The following SPEF2 variants were observed in gnomAD, a reference collection of about 807,000 sequenced individuals.
SPEF2 encodes the protein sperm flagella and cilia-associated protein 2.
SPEF2 carries 187 observed loss-of-function variants against 224.6 expected under a neutral mutation model. The ratio of observed to expected loss-of-function variants is 0.83; its 90% CI spans 0.74 to 0.94. The LOEUF (loss-of-function observed/expected upper bound fraction) is 0.94. SPEF2 is among the 40% of genes least tolerant of loss of function. The pLI, the probability that SPEF2 is intolerant of heterozygous loss-of-function variation, is 0.00. For synonymous variants in SPEF2, 715 were observed against 707.3 expected (o/e 1.01, Z -0.17); for missense variants, 2,170 against 2,135.6 (o/e 1.02, Z -0.32).
intron 11 of SPEF2, 137 bp from the exon 12 acceptor site, chr5:35,692,433 C>A: frequency 1.5e-6 from 1 of 682,480 alleles, no homozygotes; most frequent in Non-Finnish European, 2.4e-6. Flanking sequence ...CCAAACAAAA[C>A]AAAAAAGAAA....
rs1580687756 is a variant in SPEF2 at position 35,774,816 on chromosome 5, C to A, written c.4078+795C>A. ...ATTTTCTCTCCCCTGTCCTTCCCAT[C>A]TTACTACCACCCACTTCTAAAACCC... On this transcript the variant is annotated intron_variant, in intron 28 of 36. Transcript: ENST00000356031. 2.6e-5 allele frequency among the ~76,000 whole-genome samples: 4 copies of A among 152,264 alleles called. 1 individual carries two copies. Among genetic ancestry groups the A allele is most frequent in the Admixed American group, 2.6e-4 (4 of 15,286 alleles).
chr5:35,656,968 C>T (rs1749053290), intron 7 of SPEF2, among the ~76,000 whole-genome samples: 1 of 152,216 alleles, frequency 6.6e-6, no homozygotes, highest in African/African-American at 2.4e-5. Context: ...GCAACTGACA[C>T]AAGAGATCCT....
chr5:35,685,061 T>C (rs1221950009), intron 10 of SPEF2, among the ~76,000 whole-genome samples: 1 of 152,174 alleles, frequency 6.6e-6, no homozygotes, highest in Non-Finnish European at 1.5e-5. Flanking sequence ...ATCCAATTAG[T>C]ATTTGGCTAA....
At chr5:35,759,746 TA>T in intron 25 of SPEF2, 27 bp downstream of exon 25, 1 of 1,491,990 alleles carries the variant, frequency 6.7e-7, no homozygotes, top group Non-Finnish European at 9.0e-7. Flanking sequence ...TATCACACTG[TA>T]ATTGTTTTGA....
chr5:35,763,362 AGT>A (rs1158684529), intron 25 of SPEF2, among the ~76,000 whole-genome samples, 158 bp from the exon 26 acceptor site: 5 of 152,238 alleles, frequency 3.3e-5, no homozygotes, highest in Admixed American at 6.5e-5. Flanking sequence ...ATTTGAATGC[AGT>A]GTTTTATAAT....
In SPEF2 at chr5:35,629,151, CTTTTTTTTTTTT is replaced by C. The variant is rs768077049; in HGVS notation, c.161+604_161+615del. 2.7e-3 allele frequency among the ~76,000 whole-genome samples: 236 copies of C among 88,328 alleles called. 3 individuals carry two copies. The highest frequency in any genetic ancestry group is 0.013 in the African/African-American group (221 of 16,856). 57.9% of individuals were successfully genotyped at this position (88,328 alleles called of 152,430 possible). On this transcript the variant is annotated intron_variant, in intron 2 of 36. Transcript: ENST00000356031. ...TTTCTGTTTTGTTAATCGATTGTTC[CTTTTTTTTTTTT>C]TTTTTTTTTTTTTTGAGACTTGCTC...
rs995570348 is a variant in SPEF2 at position 35,654,799 on chromosome 5, A to C, written c.978+73A>C. 2.3e-6 allele frequency: 3 copies of C among 1,329,696 alleles called. No individual in the cohort carries two copies. The African/African-American group carries it at 4.4e-5, about 20-fold the overall frequency. 82.4% of individuals were successfully genotyped at this position (1,329,696 alleles called of 1,614,324 possible). On this transcript the variant is annotated intron_variant, in intron 7 of 36. Transcript: ENST00000356031. ...AAATGTAGTCTTCTATACACATAAT[A>C]TGTAGTTTATATATGTATTGTCTGC...
At chr5:35,732,326 A>G (rs899739931) in intron 21 of SPEF2, among the ~76,000 whole-genome samples, 1 of 152,210 alleles carries the variant, frequency 6.6e-6, no homozygotes, top group African/African-American at 2.4e-5. Flanking sequence ...CACAGTGTTG[A>G]TTAATGGATT....
intron 25 of SPEF2, among the ~76,000 whole-genome samples, chr5:35,762,661 G>T (rs572676620): frequency 6.6e-6 from 1 of 152,224 alleles, no homozygotes; most frequent in Non-Finnish European, 1.5e-5. Context: ...CCTTGGAGCT[G>T]TTCTCTTCTC....
At chr5:35,631,704 T>C (rs894410498) in intron 2 of SPEF2, among the ~76,000 whole-genome samples, 22 of 152,154 alleles carry the variant, frequency 1.4e-4, no homozygotes, top group Non-Finnish European at 3.2e-4. Context: ...AACTCAGATA[T>C]AGTTGGCCCT....
intron 32 of SPEF2, among the ~76,000 whole-genome samples, chr5:35,795,385 G>A (rs983142267): frequency 5.3e-5 from 8 of 152,104 alleles, no homozygotes; most frequent in East Asian, 1.9e-4. Context: ...GCCTCCAAGC[G>A]TCATCACACG....
intron 2 of SPEF2, among the ~76,000 whole-genome samples, chr5:35,635,557 A>G (rs1745716829): frequency 6.6e-6 from 1 of 152,212 alleles, no homozygotes; most frequent in African/African-American, 2.4e-5. Flanking sequence ...TACAAAATGT[A>G]GTAATTCTCA....
chr5:35,769,658 C>G (rs187328053), intron 26 of SPEF2, among the ~76,000 whole-genome samples: 5 of 152,182 alleles, frequency 3.3e-5, no homozygotes, highest in African/African-American at 1.2e-4. Context: ...AAGCACGAGG[C>G]CCCTTTGGAC....
intron 21 of SPEF2, among the ~76,000 whole-genome samples, chr5:35,734,393 G>A (rs1746176303): frequency 7.9e-6 from 1 of 126,216 alleles, no homozygotes; most frequent in Non-Finnish European, 1.8e-5. Context: ...GGCCACAAGG[G>A]AAGAATAATT....
chr5:35,762,362 G>A (rs1413408012), intron 25 of SPEF2, among the ~76,000 whole-genome samples: 9 of 152,152 alleles, frequency 5.9e-5, no homozygotes, highest in South Asian at 4.1e-4. Context: ...AGAAGTGATC[G>A]CACAAGCCTT....
chr5:35,738,130 G>A (rs1316200755), intron 21 of SPEF2, among the ~76,000 whole-genome samples: 2 of 152,090 alleles, frequency 1.3e-5, no homozygotes, highest in Non-Finnish European at 2.9e-5. Context: ...TGTCAGATGA[G>A]TCGATTGCAA....
rs111648819 is a variant in SPEF2 at position 35,752,033 on chromosome 5, A to G, written c.3331-1591A>G. Reference sequence around the variant, plus strand: ...AGATCATGAGGCATTAGATTCTCATAAGAAGTACGCAGCCTACATCTCTCA... The same window carrying G: ...AGATCATGAGGCATTAGATTCTCATGAGAAGTACGCAGCCTACATCTCTCA... On this transcript the variant is annotated intron_variant, in intron 23 of 36. Transcript: ENST00000356031. 4.8e-3 allele frequency among the ~76,000 whole-genome samples: 725 copies of G among 152,292 alleles called. 8 individuals are homozygous for G. Among genetic ancestry groups the G allele is most frequent in the African/African-American group, 0.016 (678 of 41,548 alleles).
intron 24 of SPEF2, among the ~76,000 whole-genome samples, chr5:35,755,271 T>C (rs1244600695): frequency 6.6e-6 from 1 of 152,236 alleles, no homozygotes; most frequent in African/African-American, 2.4e-5. Context: ...CCAGTCTTGA[T>C]AGCATCCCCA....
At chr5:35,711,267 TATTTTGTTATTTTGTTAAAAA>T (rs1415664096) in intron 19 of SPEF2, among the ~76,000 whole-genome samples, 60 of 152,300 alleles carry the variant, frequency 3.9e-4, no homozygotes, top group Middle Eastern at 6.8e-3. Context: ...CATTGAATCC[TATTTTGTTATTTTGTTAAAAA>T]ATTTTGTTAT....
Sources: gnomAD v4.1 joint callset for allele counts (sites outside exome capture counted in the v4.1 genomes callset) on GRCh38, gnomAD v4.1.1 for gene constraint, MANE v1.5 for transcripts, NCBI Gene and HGNC (gene_info 2026-07-23, HGNC 2026-07-21) for gene names.